Variants in ATP2A3 observed in about 807,000 individuals in gnomAD.
ATP2A3 encodes sarcoplasmic/endoplasmic reticulum calcium ATPase 3.
Under a neutral mutation model 106.8 loss-of-function variants are expected in ATP2A3, and 61 were observed. The observed-to-expected ratio is 0.57, with a 90% confidence interval of 0.46 to 0.71. The LOEUF (loss-of-function observed/expected upper bound fraction) is 0.71. Ranked by LOEUF, ATP2A3 falls within the 30% of genes least tolerant of loss-of-function variation. The pLI, the probability that ATP2A3 is intolerant of heterozygous loss-of-function variation, is 0.00. For synonymous variants in ATP2A3, 611 were observed against 609.3 expected (o/e 1.00, Z -0.04); for missense variants, 1,201 against 1,423.5 (o/e 0.84, Z 2.52).
At position 3,927,972 on chromosome 17, in the gene ATP2A3, G is replaced by A. The variant is rs149150387; in HGVS notation, c.2980+691C>T. The A allele has an allele frequency of 7.3e-4, 1,179 of 1,613,730 alleles. 8 individuals are homozygous for A. The African/African-American group carries it at 0.014, about 19-fold the overall frequency. The stretch of plus-strand genomic sequence containing the variant: ...GCCTCTGCGCAAATTCCCAGGAACC[G>A]GAGCTCACCCCTGCTTCCTCCCTCT... On this transcript the variant is annotated intron_variant, in intron 20 of 20. Transcript: ENST00000397041.
chr17:3,946,399 A>T (rs2054120909), intron 8 of ATP2A3, among the ~76,000 whole-genome samples: 1 of 152,048 alleles, frequency 6.6e-6, no homozygotes, highest in Non-Finnish European at 1.5e-5. Flanking sequence ...TAAAATACAA[A>T]AATTAGCTGG....
At position 3,930,556 on chromosome 17, in the gene ATP2A3, G is replaced by A. The variant is rs957800533; in HGVS notation, c.2611-122C>T. ...GGGCACAACCAGCACACAAAACACT[G>A]CCGTGGGGTGGGCTGGGGATCCCGG... On this transcript the variant is annotated intron_variant, in intron 17 of 20. Coordinates refer to ENST00000397041, the MANE Select transcript of ATP2A3 (RefSeq NM_005173.4). This position sits in a 1 kb window ranked among gnomAD's most constrained non-coding sequence, Gnocchi z 5.4. The A allele has an allele frequency of 7.8e-7, 1 of 1,288,408 alleles. No individual in the cohort carries two copies. Among genetic ancestry groups the A allele is most frequent in the African/African-American group, 1.5e-5 (1 of 67,522 alleles). 79.8% of individuals were successfully genotyped at this position (1,288,408 alleles called of 1,614,324 possible).
intron 15 of ATP2A3, chr17:3,937,182 C>CA: frequency 1.7e-6 from 1 of 576,608 alleles, no homozygotes; most frequent in East Asian, 3.0e-5. Context: ...GGCGACTCTT[C>CA]AGGCACCTCC....
In ATP2A3 at chr17:3,953,459, G is replaced by A. The variant is rs773956994; in HGVS notation, c.137-30C>T. ...GAACGGGGGTCATGTGTGAGGCTGGGCCCCCACCACTGACCCTGCCCACTC... is the reference window on the plus strand; with the variant it reads ...GAACGGGGGTCATGTGTGAGGCTGGACCCCCACCACTGACCCTGCCCACTC... On this transcript the variant is annotated intron_variant, in intron 2 of 20. Coordinates refer to ENST00000397041, the MANE Select transcript of ATP2A3 (RefSeq NM_005173.4). This position sits in a 1 kb window ranked among gnomAD's most constrained non-coding sequence, Gnocchi z 5.1. 2 of 1,607,152 alleles carry A rather than the reference G, an allele frequency of 1.2e-6. No individual in the cohort carries two copies. Among genetic ancestry groups the A allele is most frequent in the Middle Eastern group, 1.7e-4 (1 of 6,050 alleles).
At chr17:3,954,121 C>A (rs2054615748) in intron 1 of ATP2A3, among the ~76,000 whole-genome samples, 1 of 152,102 alleles carries the variant, frequency 6.6e-6, no homozygotes, top group South Asian at 2.1e-4. Flanking sequence ...CCTTAGATGG[C>A]CGCAGAGTCC....
In ATP2A3 at chr17:3,941,009, C is replaced by T; in HGVS notation, c.2062G>A (p.Val688Met). The stretch of plus-strand genomic sequence containing the variant: ...TCGTTAAAGGACTGCAGGTTCTCCA[C>T]GATGCGGGACTTGTGTGCGGGCTCC... ...RVEPAHKSRI[V>M]ENLQSFNEIT... Residue 688 changes from valine to methionine, a missense_variant, in exon 14 of 21, where the codon GTG (valine) becomes ATG (methionine). By Grantham distance (21) the Val-to-Met change is conservative. This residue lies in a region of ATP2A3 where 935 missense variants were observed against 1,176.7 expected (regional missense o/e 0.79). Transcript: ENST00000397041. 6 of 1,613,946 alleles carry T rather than the reference C, an allele frequency of 3.7e-6. No homozygotes were observed. Among genetic ancestry groups the T allele is most frequent in the Non-Finnish European group, 4.2e-6 (5 of 1,179,834 alleles).
At chr17:3,961,799 A>G (rs1018453368) in intron 1 of ATP2A3, among the ~76,000 whole-genome samples, 1 of 152,180 alleles carries the variant, frequency 6.6e-6, no homozygotes, top group African/African-American at 2.4e-5. Context: ...AGACTCACAA[A>G]CAACCCTGGG....
intron 1 of ATP2A3, among the ~76,000 whole-genome samples, chr17:3,960,796 T>C (rs1326047954): frequency 6.6e-6 from 1 of 152,144 alleles, no homozygotes; most frequent in African/African-American, 2.4e-5. Flanking sequence ...AGAAGTTTAG[T>C]GACAGCTGAC....
chr17:3,930,700 C>T lies in ATP2A3; in HGVS notation c.2611-266G>A. ...GGAGTGCAGCGGCTCAGAAGGAGAA[C>T]AGCTGGCATTAGCCTGGGGAGGCTA... On this transcript the variant is annotated intron_variant, in intron 17 of 20. Coordinates refer to ENST00000397041, the MANE Select transcript of ATP2A3 (RefSeq NM_005173.4). This position sits in a 1 kb window ranked among gnomAD's most constrained non-coding sequence, Gnocchi z 5.4. 1 of 561,972 alleles carries T rather than the reference C, an allele frequency of 1.8e-6. No individual in the cohort carries two copies. Among genetic ancestry groups the T allele is most frequent in the South Asian group, 2.0e-5 (1 of 51,248 alleles). The allele number at this position is 561,972 out of a possible 1,614,324, so 34.8% of individuals were successfully genotyped here. A position where few individuals can be genotyped will look rare whatever the true frequency, so the allele number is the denominator to read the frequency against.
chr17:3,947,278 G>T lies in ATP2A3; in HGVS notation c.1095+113C>A. ...TGGACCTGCTCTGGGCCAAGGGACAGCCCACAGATTCTCTCCTCCATCCCT... is the reference window on the plus strand; with the variant it reads ...TGGACCTGCTCTGGGCCAAGGGACATCCCACAGATTCTCTCCTCCATCCCT... On this transcript the variant is annotated intron_variant, in intron 8 of 20. Transcript: ENST00000397041. This position sits in a 1 kb window ranked among gnomAD's most constrained non-coding sequence, Gnocchi z 7.7. The T allele has an allele frequency of 1.5e-6, 2 of 1,313,856 alleles. No individual in the cohort carries two copies. The highest frequency in any genetic ancestry group is 2.1e-6 in the Non-Finnish European group (2 of 930,926). 81.4% of individuals were successfully genotyped at this position (1,313,856 alleles called of 1,614,324 possible). A position where few individuals can be genotyped will look rare whatever the true frequency, so the allele number is the denominator to read the frequency against.
In ATP2A3 at chr17:3,950,610, C is replaced by G. The variant is rs377389590; in HGVS notation, c.545-14G>C. 8 of 1,614,120 alleles carry G rather than the reference C, an allele frequency of 5.0e-6. No individual in the cohort carries two copies. The highest frequency in any genetic ancestry group is 5.9e-6 in the Non-Finnish European group (7 of 1,179,994). On this transcript the variant is annotated splice_polypyrimidine_tract_variant and intron_variant, in intron 6 of 20. Coordinates refer to ENST00000397041, the MANE Select transcript of ATP2A3 (RefSeq NM_005173.4). ...ACACAGATTCACCTGGTCAGGGAATCAGAGATGAGAAGCCCCACATGAAGA... is the reference window on the plus strand; with the variant it reads ...ACACAGATTCACCTGGTCAGGGAATGAGAGATGAGAAGCCCCACATGAAGA...
At chr17:3,937,228 A>G (rs2053500086) in intron 15 of ATP2A3, 188 bp downstream of exon 15, 1 of 699,544 alleles carries the variant, frequency 1.4e-6, no homozygotes, top group Non-Finnish European at 2.4e-6. Flanking sequence ...ATAGGTCACC[A>G]GGGCCTCTGG....
intron 1 of ATP2A3, among the ~76,000 whole-genome samples, chr17:3,961,430 G>C (rs1057508563): frequency 6.6e-6 from 1 of 151,770 alleles, no homozygotes. Flanking sequence ...TTATGTGTGA[G>C]TGGAGGGGGT....
At position 3,953,092 on chromosome 17, in the gene ATP2A3, T is replaced by C. The variant is rs77783937; in HGVS notation, c.219+255A>G. The stretch of plus-strand genomic sequence containing the variant: ...GGGCGGGGCGGGGGGCAGATGTGAG[T>C]TGGGGAGCTCGCTGAGAGCCAGAGG... On this transcript the variant is annotated intron_variant, in intron 3 of 20. Coordinates refer to ENST00000397041, the MANE Select transcript of ATP2A3 (RefSeq NM_005173.4). This position sits in a 1 kb window ranked among gnomAD's most constrained non-coding sequence, Gnocchi z 5.1. Among the ~76,000 whole-genome samples the C allele has an allele frequency of 1.7e-4, 25 of 151,260 alleles. No homozygotes were observed. The East Asian group carries it at 3.7e-3, about 22-fold the overall frequency.
chr17:3,956,536 G>A (rs2676281), intron 1 of ATP2A3, among the ~76,000 whole-genome samples: 18 of 152,098 alleles, frequency 1.2e-4, no homozygotes, highest in Admixed American at 1.1e-3. Context: ...GACTAATTTC[G>A]AATTTTACTT....
At chr17:3,960,492 G>A (rs1299316590) in intron 1 of ATP2A3, among the ~76,000 whole-genome samples, 1 of 152,210 alleles carries the variant, frequency 6.6e-6, no homozygotes, top group Non-Finnish European at 1.5e-5. Flanking sequence ...AGACCTCCTG[G>A]GATCTGCCCG....
intron 10 of ATP2A3, among the ~76,000 whole-genome samples, chr17:3,944,413 A>G (rs2053966737): frequency 6.6e-6 from 1 of 152,044 alleles, no homozygotes; most frequent in African/African-American, 2.4e-5. Flanking sequence ...TTCTGCTTTC[A>G]ACATTTTCTT....
At chr17:3,939,246 G>A (rs1176064504) in intron 14 of ATP2A3, among the ~76,000 whole-genome samples, 1 of 152,164 alleles carries the variant, frequency 6.6e-6, no homozygotes, top group African/African-American at 2.4e-5. Flanking sequence ...TCAAAGATAA[G>A]ATCAAGAACC....
In ATP2A3 at chr17:3,947,808, G is replaced by A. The variant is rs748790862; in HGVS notation, c.678C>T (p.Thr226=). 31 of 1,599,728 alleles carry A rather than the reference G, an allele frequency of 1.9e-5. No homozygotes were observed. The highest frequency in any genetic ancestry group is 8.3e-5 in the Admixed American group (5 of 60,006). Reference sequence around the variant, plus strand: ...TCTTGCCCAGCTCCGTGTGCAGGCCGGTGGCCACGGCCACACCCACCGCTT... The same window carrying A: ...TCTTGCCCAGCTCCGTGTGCAGGCCAGTGGCCACGGCCACACCCACCGCTT... ...SGKAVGVAVA[T]GLHTELGKIR... is the part of the protein sequence containing the mutation. Residue 226 remains threonine (T), a synonymous_variant, in exon 8 of 21, where the codon ACC becomes ACT. Coordinates refer to ENST00000397041, the MANE Select transcript of ATP2A3 (RefSeq NM_005173.4). The surrounding 1 kb of genome is among the most constrained non-coding windows in gnomAD (Gnocchi z 7.7).
Sources: allele counts gnomAD v4.1 joint callset (sites outside exome capture counted in the v4.1 genomes callset), GRCh38; gene constraint gnomAD v4.1.1; regional missense constraint gnomAD v4.1.1; non-coding constraint Gnocchi (gnomAD v3.1); transcripts MANE v1.5; gene names NCBI Gene and HGNC (gene_info 2026-07-23, HGNC 2026-07-21).